Variants in ZSWIM4 observed in about 807,000 individuals in gnomAD.
ZSWIM4 encodes zinc finger SWIM domain-containing protein 4.
Under a neutral mutation model 102.5 loss-of-function variants are expected in ZSWIM4, and 62 were observed. The observed-to-expected ratio is 0.60, with a 90% CI of 0.49 to 0.75. The LOEUF (loss-of-function observed/expected upper bound fraction) is 0.75, where lower values mean the gene tolerates loss of function less well. Ranked by LOEUF, ZSWIM4 falls within the 30% of genes least tolerant of loss-of-function variation. ZSWIM4 has a pLI of 0.00. For missense variants in ZSWIM4, 1,280 were observed against 1,529.6 expected (o/e 0.84, Z 2.72); for synonymous variants, 652 against 674.5 (o/e 0.97, Z 0.52).
rs202023793 is a variant in ZSWIM4, at chr19:13,815,997, GGAAA to G, written c.1531+1139_1531+1142del. Among the ~76,000 whole-genome samples the G allele has an allele frequency of 4.9e-3, 715 of 147,384 alleles. 6 individuals are homozygous for G. The highest frequency in any genetic ancestry group is 0.016 in the African/African-American group (652 of 39,908). ...GAGGAGAGCGAGGAGAGAGAGAAGA[GGAAA>G]GAAAGAGGTGGGGAGGGAGGGACAG... On this transcript the variant is annotated intron_variant, in intron 7 of 13. Transcript: ENST00000590508.
chr19:13,817,492 C>T, intron 8 of ZSWIM4, 139 bp downstream of exon 8: 2 of 1,241,854 alleles, frequency 1.6e-6, no homozygotes, highest in Non-Finnish European at 2.2e-6. Context: ...CTCCTCTGGC[C>T]AGTGCCCAGA....
At chr19:13,827,321 G>T (rs539901072) in intron 12 of ZSWIM4, among the ~76,000 whole-genome samples, 1 of 151,568 alleles carries the variant, frequency 6.6e-6, no homozygotes, top group Non-Finnish European at 1.5e-5. Context: ...AAAAGAAGTT[G>T]GGGCCAGGCC....
At chr19:13,818,128 G>A (rs927524328) in intron 9 of ZSWIM4, 152 bp downstream of exon 9, 70 of 1,319,750 alleles carry the variant, frequency 5.3e-5, no homozygotes, top group Non-Finnish European at 6.4e-5. Flanking sequence ...TACCTTGGCA[G>A]TTTCTAAAAG....
At chr19:13,810,403 C>T (rs1337449999) in intron 5 of ZSWIM4, among the ~76,000 whole-genome samples, 1 of 151,936 alleles carries the variant, frequency 6.6e-6, no homozygotes, top group Non-Finnish European at 1.5e-5. Flanking sequence ...AATGATTCTC[C>T]TGCCTTAGCC....
chr19:13,827,376 G>A (rs939615339), intron 12 of ZSWIM4, among the ~76,000 whole-genome samples: 10 of 151,954 alleles, frequency 6.6e-5, no homozygotes, highest in Admixed American at 3.3e-4. Context: ...AGGCCGATGC[G>A]GATCGCTTGA....
In ZSWIM4 at chr19:13,830,313, A is replaced by G; in HGVS notation, c.2584A>G (p.Thr862Ala). Residue 862 changes from threonine to alanine, a missense_variant, in exon 14 of 14, where the codon ACA (threonine) becomes GCA (alanine). Physicochemically the swap from Thr to Ala is moderately conservative, Grantham distance 58. Transcript: ENST00000590508. ...HATLLRLQLDTSRREELWACA... is the reference protein window; with the variant it reads ...HATLLRLQLDASRREELWACA... Reference sequence around the variant, plus strand: ...CACTCTGCTGCGACTGCAGCTGGACACATCGCGGAGGGAGGAGCTCTGGGC... The same window carrying G: ...CACTCTGCTGCGACTGCAGCTGGACGCATCGCGGAGGGAGGAGCTCTGGGC... The G allele has an allele frequency of 6.2e-7, 1 of 1,613,752 alleles. No individual in the cohort carries two copies. The highest frequency in any genetic ancestry group is 8.5e-7 in the Non-Finnish European group (1 of 1,180,036).
At position 13,810,060 on chromosome 19, in the gene ZSWIM4, T is replaced by A. The variant is rs796870927; in HGVS notation, c.1012+840T>A. 5.3e-5 allele frequency among the ~76,000 whole-genome samples: 8 copies of A among 151,560 alleles called. 1 individual carries two copies. Among genetic ancestry groups the A allele is most frequent in the African/African-American group, 1.9e-4 (8 of 41,352 alleles). On this transcript the variant is annotated intron_variant, in intron 5 of 13. Coordinates refer to ENST00000590508, the MANE Select transcript of ZSWIM4 (RefSeq NM_001367834.3). Reference sequence around the variant, plus strand: ...GGAGTGCTGGAGTGCAGTGGTACTATCTTGGCTCACTGCAAGCTCCGCCCT... The same window carrying A: ...GGAGTGCTGGAGTGCAGTGGTACTAACTTGGCTCACTGCAAGCTCCGCCCT...
In ZSWIM4 at chr19:13,825,787, G is replaced by C; in HGVS notation, c.2379+74G>C. ...GGACTGACTGTGAGCTGCGCCTCCC[G>C]GGGCATGGGCTGAGTGTGAGCCACT... On this transcript the variant is annotated intron_variant, in intron 12 of 13. Coordinates refer to ENST00000590508, the MANE Select transcript of ZSWIM4 (RefSeq NM_001367834.3). The surrounding 1 kb of genome is among the most constrained non-coding windows in gnomAD (Gnocchi z 4.6). 1 of 1,515,782 alleles carries C rather than the reference G, an allele frequency of 6.6e-7. No individual in the cohort carries two copies. The highest frequency in any genetic ancestry group is 8.8e-7 in the Non-Finnish European group (1 of 1,133,512). The allele number at this position is 1,515,782 out of a possible 1,614,324, so 93.9% of individuals were successfully genotyped here.
chr19:13,823,086 G>T (rs929012748), intron 10 of ZSWIM4, among the ~76,000 whole-genome samples: 1 of 152,218 alleles, frequency 6.6e-6, no homozygotes, highest in Admixed American at 6.5e-5. Context: ...AGAAGTTTGA[G>T]GCTTCAGTGA....
At chr19:13,815,906 G>A (rs1269400307) in intron 7 of ZSWIM4, among the ~76,000 whole-genome samples, 2 of 150,796 alleles carry the variant, frequency 1.3e-5, no homozygotes, top group Non-Finnish European at 3.0e-5. Flanking sequence ...TTACACCACT[G>A]CACTCTAGAC....
In ZSWIM4 at chr19:13,830,590, A is replaced by C; in HGVS notation, c.2861A>C (p.Asn954Thr). ...CTGGCGCAGCTCAGCATCGCCTTCAACCAGGACAGCCACCCTGCCGTCAAC... is the reference window on the plus strand; with the variant it reads ...CTGGCGCAGCTCAGCATCGCCTTCACCCAGGACAGCCACCCTGCCGTCAAC... ...LALAQLSIAF[N>T]QDSHPAVNDV... The change falls in exon 14 of 14, where the codon AAC (asparagine) becomes ACC (threonine). Residue 954 changes from asparagine (N) to threonine (T), a missense_variant. Transcript: ENST00000590508. 6.3e-7 allele frequency: 1 copy of C among 1,599,850 alleles called. No individual in the cohort carries two copies. The highest frequency in any genetic ancestry group is 8.5e-7 in the Non-Finnish European group (1 of 1,179,746).
At chr19:13,797,743 C>T (rs529075401) in intron 1 of ZSWIM4, among the ~76,000 whole-genome samples, 166 of 152,290 alleles carry the variant, frequency 1.1e-3, no homozygotes, top group Non-Finnish European at 8.8e-4. Flanking sequence ...GCCTCCACCT[C>T]CTGGGTTCAA....
chr19:13,812,458 CTTTT>C (rs1169781960), intron 5 of ZSWIM4, among the ~76,000 whole-genome samples: 1 of 117,458 alleles, frequency 8.5e-6, no homozygotes. Flanking sequence ...GTAATCCCAA[CTTTT>C]TTTTTTTTTT....
Position 13,825,328 on chromosome 19 carries a change from C to G in ZSWIM4, c.2216-222C>G, listed in dbSNP as rs963404314. ...AGGTGTGAGCCACTGCGCCCGGCCCCTAGGTGGCTTTCTGTAACAGGAAAG... is the reference window on the plus strand; with the variant it reads ...AGGTGTGAGCCACTGCGCCCGGCCCGTAGGTGGCTTTCTGTAACAGGAAAG... On this transcript the variant is annotated intron_variant, in intron 11 of 13. Coordinates refer to ENST00000590508, the MANE Select transcript of ZSWIM4 (RefSeq NM_001367834.3). This position sits in a 1 kb window ranked among gnomAD's most constrained non-coding sequence, Gnocchi z 4.6. 6.6e-6 allele frequency among the ~76,000 whole-genome samples: 1 copy of G among 152,098 alleles called. No homozygotes were observed. Among genetic ancestry groups the G allele is most frequent in the Non-Finnish European group, 1.5e-5 (1 of 68,010 alleles).
In ZSWIM4 at chr19:13,830,680, C is replaced by G. The variant is rs1169221478; in HGVS notation, c.2951C>G (p.Pro984Arg). The change falls in exon 14 of 14, where the codon CCC becomes CGC. Residue 984 changes from proline to arginine, a missense_variant. By Grantham distance (103) the Pro-to-Arg change is moderately radical. Coordinates refer to ENST00000590508, the MANE Select transcript of ZSWIM4 (RefSeq NM_001367834.3). The part of the protein sequence containing the change: ...LGRHELSAIV[P>R]LIIRSIHCAP... ...CGGCACGAGCTCTCTGCCATCGTCC[C>G]CCTCATCATTCGCAGCATCCACTGT... 3 of 1,605,548 alleles carry G rather than the reference C, an allele frequency of 1.9e-6. No homozygotes were observed. Among genetic ancestry groups the G allele is most frequent in the Admixed American group, 1.7e-5 (1 of 59,994 alleles).
At chr19:13,816,867 G>A (rs1186946406) in intron 7 of ZSWIM4, among the ~76,000 whole-genome samples, 6 of 152,146 alleles carry the variant, frequency 3.9e-5, no homozygotes, top group African/African-American at 1.4e-4. Context: ...TCTTCAGAGA[G>A]GTGGAGAGGG....
At chr19:13,808,711 C>A (rs1974983337) in intron 3 of ZSWIM4, 125 bp from the exon 4 acceptor site, 2 of 1,069,542 alleles carry the variant, frequency 1.9e-6, no homozygotes, top group African/African-American at 1.6e-5. Flanking sequence ...AGCACTCCAG[C>A]CTGGGCAAGA....
chr19:13,813,284 C>T (rs1227483561), intron 6 of ZSWIM4, 120 bp downstream of exon 6: 1 of 835,374 alleles, frequency 1.2e-6, no homozygotes, highest in African/African-American at 1.7e-5. Flanking sequence ...AAAGCAGACC[C>T]CAGTCCTTGG....
chr19:13,813,174 A>AGGG lies in ZSWIM4; in HGVS notation c.1180+12_1180+14dup. 6.2e-7 allele frequency: 1 copy of AGGG among 1,603,882 alleles called. No individual in the cohort carries two copies. The highest frequency in any genetic ancestry group is 8.5e-7 in the Non-Finnish European group (1 of 1,173,518). Reference sequence around the variant, plus strand: ...ATGGCCCCCGCCCCAGGTAGGAGAGAGGGGTCTTTACCATGCCCCCCAAAA... The same window carrying AGGG: ...ATGGCCCCCGCCCCAGGTAGGAGAGAGGGGGGGTCTTTACCATGCCCCCCAAAA... On this transcript the variant is annotated intron_variant, in intron 6 of 13. Coordinates refer to ENST00000590508, the MANE Select transcript of ZSWIM4 (RefSeq NM_001367834.3).
Sources: allele counts gnomAD v4.1 joint callset (sites outside exome capture counted in the v4.1 genomes callset), GRCh38; gene constraint gnomAD v4.1.1; non-coding constraint Gnocchi (gnomAD v3.1); transcripts MANE v1.5; gene names NCBI Gene and HGNC (gene_info 2026-07-23, HGNC 2026-07-21).